The following PDE4D variants were observed in gnomAD, a reference collection of about 807,000 sequenced individuals.
PDE4D encodes 3',5'-cyclic-AMP phosphodiesterase 4D.
A neutral mutation model predicts 87.4 loss-of-function variants in PDE4D; 24 were observed. The observed-to-expected ratio is 0.27, with a 90% CI of 0.20 to 0.39. The LOEUF (loss-of-function observed/expected upper bound fraction) is 0.39, where lower values mean the gene tolerates loss of function less well. Among genes scored for constraint, PDE4D ranks in the 10% least tolerant of loss-of-function variants. PDE4D has a pLI of 1.00. For missense variants in PDE4D, 714 were observed against 1,041.0 expected (o/e 0.69, Z 4.32); for synonymous variants, 384 against 383.2 (o/e 1.00, Z -0.02).
chr5:60,478,276 G>A (rs1583890493), intron 1 of PDE4D, among the ~76,000 whole-genome samples: 1 of 152,230 alleles, frequency 6.6e-6, no homozygotes, highest in East Asian at 1.9e-4. Context: ...GCAATCCAAA[G>A]CTGAACCGTT....
At chr5:59,084,014 T>A (rs965385991) in intron 5 of PDE4D, among the ~76,000 whole-genome samples, 1 of 152,048 alleles carries the variant, frequency 6.6e-6, no homozygotes, top group African/African-American at 2.4e-5. Context: ...GACAAGTAGA[T>A]TGTTTGTATA....
chr5:60,231,260 A>G (rs769918431), intron 1 of PDE4D, among the ~76,000 whole-genome samples: 17 of 152,056 alleles, frequency 1.1e-4, no homozygotes, highest in South Asian at 4.1e-4. Context: ...GATTAGTTCA[A>G]TTGGGGTCAT....
chr5:60,283,874 C>T (rs1752175477), intron 1 of PDE4D, among the ~76,000 whole-genome samples: 1 of 151,824 alleles, frequency 6.6e-6, no homozygotes, highest in Admixed American at 6.6e-5. Flanking sequence ...ATGAGGACTG[C>T]GTGTATTTCC....
intron 1 of PDE4D, among the ~76,000 whole-genome samples, chr5:60,320,877 A>G (rs563224000): frequency 6.6e-6 from 1 of 152,328 alleles, no homozygotes; most frequent in African/African-American, 2.4e-5. Context: ...TGAGAATTAC[A>G]AAACAATGCT....
At chr5:59,903,142 C>CT (rs1367315906) in intron 3 of PDE4D, among the ~76,000 whole-genome samples, 1 of 152,084 alleles carries the variant, frequency 6.6e-6, no homozygotes, top group Non-Finnish European at 1.5e-5. Context: ...AGAAACTTTT[C>CT]TTGGAGTGAG....
chr5:60,149,378 C>T (rs1475475074), intron 2 of PDE4D, among the ~76,000 whole-genome samples: 2 of 152,138 alleles, frequency 1.3e-5, no homozygotes, highest in African/African-American at 4.8e-5. Context: ...AGCTAACCCA[C>T]TCTCATGATA....
chr5:59,346,547 G>A (rs943135311), intron 1 of PDE4D, among the ~76,000 whole-genome samples: 2 of 151,796 alleles, frequency 1.3e-5, no homozygotes, highest in Middle Eastern at 3.4e-3. Context: ...TCCCTTTCTT[G>A]GCATTTTGGT....
intron 1 of PDE4D, among the ~76,000 whole-genome samples, chr5:59,414,704 A>C (rs1793286520): frequency 6.6e-6 from 1 of 152,252 alleles, no homozygotes; most frequent in African/African-American, 2.4e-5. Context: ...TTACAGAGAT[A>C]TCAAGATATC....
chr5:59,735,815 T>A (rs1757987518), intron 1 of PDE4D, among the ~76,000 whole-genome samples: 1 of 152,034 alleles, frequency 6.6e-6, no homozygotes, highest in Admixed American at 6.6e-5. Flanking sequence ...TACAGGCATG[T>A]ACCACCACAC....
chr5:60,165,375 T>C (rs1782797150), intron 2 of PDE4D, among the ~76,000 whole-genome samples: 1 of 152,252 alleles, frequency 6.6e-6, no homozygotes, highest in Non-Finnish European at 1.5e-5. Flanking sequence ...TCTGTTTGTT[T>C]GTTTTTATGC....
chr5:59,367,015 G>C (rs755818594), intron 1 of PDE4D, among the ~76,000 whole-genome samples: 13 of 152,178 alleles, frequency 8.5e-5, no homozygotes, highest in Non-Finnish European at 1.3e-4. Context: ...TATCAGGAAG[G>C]AGCAAGTACT....
chr5:59,900,249 T>A (rs78962173), intron 3 of PDE4D, among the ~76,000 whole-genome samples: 27,794 of 68,860 alleles, frequency 0.4, 3,851 homozygotes, highest in African/African-American at 0.55. Flanking sequence ...CAAAAAAAAA[T>A]ATATATATAT....
At chr5:60,328,567 T>C (rs1430551768) in intron 1 of PDE4D, among the ~76,000 whole-genome samples, 3 of 152,216 alleles carry the variant, frequency 2.0e-5, no homozygotes, top group African/African-American at 4.8e-5. Context: ...CATTCTTCTG[T>C]TGATGGAAAC....
At chr5:59,295,888 C>G (rs1768987856) in intron 1 of PDE4D, among the ~76,000 whole-genome samples, 1 of 150,858 alleles carries the variant, frequency 6.6e-6, no homozygotes, top group African/African-American at 2.4e-5. Context: ...TGGACAGCAA[C>G]TCATATTTGT....
chr5:59,053,466 A>G (rs1761848030), intron 5 of PDE4D, among the ~76,000 whole-genome samples: 1 of 151,612 alleles, frequency 6.6e-6, no homozygotes. Flanking sequence ...TTTAATTATG[A>G]TAATTAAGAC....
At chr5:59,920,376 T>C (rs1253256178) in intron 3 of PDE4D, among the ~76,000 whole-genome samples, 2 of 152,248 alleles carry the variant, frequency 1.3e-5, no homozygotes, top group Non-Finnish European at 2.9e-5. Flanking sequence ...TAATATATTA[T>C]TCTACAATCC....
At chr5:59,867,422 A>C (rs1747208897) in intron 1 of PDE4D, among the ~76,000 whole-genome samples, 1 of 152,182 alleles carries the variant, frequency 6.6e-6, no homozygotes, top group Non-Finnish European at 1.5e-5. Context: ...TTAAATGGTA[A>C]ATATTAAAAT....
chr5:59,032,274 G>C (rs1278371856), intron 6 of PDE4D, among the ~76,000 whole-genome samples: 2 of 152,106 alleles, frequency 1.3e-5, no homozygotes, highest in African/African-American at 2.4e-5. Context: ...AATACATTAA[G>C]TTAAAACATT....
At chr5:60,038,740 A>AAAATTTACAAG (rs1768106956) in intron 2 of PDE4D, among the ~76,000 whole-genome samples, 1 of 151,194 alleles carries the variant, frequency 6.6e-6, no homozygotes, top group Non-Finnish European at 1.5e-5. Context: ...AAATTTACAA[A>AAAATTTACAAG]AAAAAAACAA....
Sources: gnomAD v4.1 joint callset for allele counts (sites outside exome capture counted in the v4.1 genomes callset) on GRCh38, gnomAD v4.1.1 for gene constraint, MANE v1.5 for transcripts, NCBI Gene and HGNC (gene_info 2026-07-23, HGNC 2026-07-21) for gene names.